Variants in PBX1 observed in about 807,000 individuals in gnomAD.
PBX1 encodes the protein PBX homeobox 1.
In PBX1, 6 loss-of-function variants were observed where a neutral mutation model predicts 53.4. The observed-to-expected ratio is 0.11, with a 90% CI of 0.06 to 0.22. The LOEUF (loss-of-function observed/expected upper bound fraction) is 0.22, where lower values mean the gene tolerates loss of function less well. Ranked by LOEUF, PBX1 falls within the 10% of genes least tolerant of loss-of-function variation. The probability of loss-of-function intolerance (pLI) is 1.00; values close to 1 mark genes in which losing one functional copy is unlikely to be tolerated. For synonymous variants in PBX1, 204 were observed against 212.3 expected, an observed-to-expected ratio of 0.96 and a Z score of 0.34; for missense variants, 251 against 551.4, an observed-to-expected ratio of 0.46 and a Z score of 5.46.
At chr1:164,700,699 T>G (rs919708198) in intron 2 of PBX1, 2 of 985,280 alleles carry the variant, frequency 2.0e-6, no homozygotes, top group Non-Finnish European at 1.2e-6. Context: ...GGGACCCAAC[T>G]CTCCTGGATG....
At position 164,846,737 on chromosome 1, in the gene PBX1, G is replaced by A; in HGVS notation, c.*61G>A. On this transcript the variant is annotated 3_prime_UTR_variant, in exon 9 of 9. Coordinates refer to ENST00000420696, the MANE Select transcript of PBX1 (RefSeq NM_002585.4). The stretch of plus-strand genomic sequence containing the variant: ...CCAGTTGGGGCAGGGGCAGGAGGGA[G>A]GGTTTCTCTCCCAACGCTGAAGCGG... 1 of 1,613,202 alleles carries A rather than the reference G, an allele frequency of 6.2e-7. No homozygotes were observed. Among genetic ancestry groups the A allele is most frequent in the East Asian group, 2.2e-5 (1 of 44,788 alleles).
chr1:164,655,796 A>C (rs1660131196), intron 2 of PBX1, among the ~76,000 whole-genome samples: 2 of 152,226 alleles, frequency 1.3e-5, no homozygotes, highest in South Asian at 4.1e-4. Context: ...AATCTCAGTG[A>C]ATAGGATTTT....
intron 2 of PBX1, among the ~76,000 whole-genome samples, chr1:164,772,695 C>T (rs542830157): frequency 1.3e-5 from 2 of 152,172 alleles, no homozygotes; most frequent in Admixed American, 6.5e-5. Context: ...TGCTGCCCCG[C>T]GTGCTTTTTC....
intron 2 of PBX1, among the ~76,000 whole-genome samples, chr1:164,602,603 G>A (rs1656249471): frequency 6.6e-6 from 1 of 151,096 alleles, no homozygotes; most frequent in Non-Finnish European, 1.5e-5. Flanking sequence ...TATCCTACAT[G>A]TACCTGCACC....
At chr1:164,634,562 T>G (rs1658620582) in intron 2 of PBX1, among the ~76,000 whole-genome samples, 1 of 152,172 alleles carries the variant, frequency 6.6e-6, no homozygotes, top group Non-Finnish European at 1.5e-5. Flanking sequence ...CCCACAATGC[T>G]CTTTGGGTTT....
At chr1:164,595,128 T>C (rs71628343) in intron 2 of PBX1, among the ~76,000 whole-genome samples, 1 of 152,236 alleles carries the variant, frequency 6.6e-6, no homozygotes, top group Non-Finnish European at 1.5e-5. Flanking sequence ...AGTTATATTG[T>C]ATTCTTTCTA....
intron 2 of PBX1, among the ~76,000 whole-genome samples, chr1:164,858,027 C>T (rs1005244785): frequency 6.6e-6 from 1 of 152,122 alleles, no homozygotes; most frequent in African/African-American, 2.4e-5. Flanking sequence ...TGTTTCCTAG[C>T]TCCATTATAA....
intron 2 of PBX1, among the ~76,000 whole-genome samples, chr1:164,873,033 A>T (rs998511874): frequency 3.3e-5 from 5 of 152,258 alleles, no homozygotes; most frequent in South Asian, 2.1e-4. Flanking sequence ...TCTACAAAGA[A>T]TGTGTTATAA....
intron 2 of PBX1, among the ~76,000 whole-genome samples, chr1:164,869,774 T>C (rs1316646010): frequency 6.6e-6 from 1 of 152,160 alleles, no homozygotes; most frequent in African/African-American, 2.4e-5. Flanking sequence ...GGGCATGTAA[T>C]TTTAGTCAGT....
chr1:164,663,296 G>A (rs968414037), intron 2 of PBX1, among the ~76,000 whole-genome samples: 1 of 148,864 alleles, frequency 6.7e-6, no homozygotes, highest in South Asian at 2.1e-4. Context: ...CTACCTGCCT[G>A]CCTTCCTGCC....
chr1:164,825,444 A>C (rs1054674796), intron 8 of PBX1, among the ~76,000 whole-genome samples: 4 of 152,222 alleles, frequency 2.6e-5, no homozygotes, highest in African/African-American at 9.6e-5. Flanking sequence ...TGAATGAATA[A>C]ATCAGGGAGG....
intron 4 of PBX1, among the ~76,000 whole-genome samples, chr1:164,803,578 GA>G (rs987655518): frequency 2.0e-5 from 3 of 152,260 alleles, no homozygotes; most frequent in African/African-American, 7.2e-5. Flanking sequence ...AGGGTGGTGT[GA>G]AAAGCCACAG....
chr1:164,878,764 A>T (rs1324929261), intron 2 of PBX1, among the ~76,000 whole-genome samples: 1 of 152,246 alleles, frequency 6.6e-6, no homozygotes, highest in East Asian at 1.9e-4. Context: ...TTATTGGAAC[A>T]CCAATTATGA....
chr1:164,780,698 A>C (rs773852625), intron 2 of PBX1, among the ~76,000 whole-genome samples: 1 of 152,152 alleles, frequency 6.6e-6, no homozygotes, highest in Non-Finnish European at 1.5e-5. Context: ...CCCCGAAGAC[A>C]TTAAGTCAGT....
Position 164,846,656 on chromosome 1 carries a change from C to T in PBX1, c.1273C>T (p.His425Tyr). Residue 425 changes from histidine to tyrosine, a missense_variant, in exon 9 of 9, where the codon CAC (histidine) becomes TAC (tyrosine). His to Tyr is a moderately conservative substitution (Grantham distance 83, BLOSUM62 2). Transcript: ENST00000420696. ...TSPTEGPGSV[H>Y]SDTSN ...CCCTACAGAAGGCCCTGGCAGTGTT[C>T]ACTCTGATACCTCCAACTGATCTCC... The T allele has an allele frequency of 6.2e-7, 1 of 1,614,100 alleles. No individual in the cohort carries two copies. Among genetic ancestry groups the T allele is most frequent in the Non-Finnish European group, 8.5e-7 (1 of 1,179,972 alleles).
chr1:164,689,827 C>G (rs562759793), intron 2 of PBX1, among the ~76,000 whole-genome samples: 14 of 152,190 alleles, frequency 9.2e-5, no homozygotes, highest in Admixed American at 3.3e-4. Context: ...TCTCTCTCCC[C>G]GTGCCCTGCT....
At chr1:164,820,331 A>G in intron 7 of PBX1, 147 bp downstream of exon 7, 1 of 583,230 alleles carries the variant, frequency 1.7e-6, no homozygotes, top group Non-Finnish European at 3.1e-6. Context: ...AAATCAAGAC[A>G]ACCATTGTCA....
chr1:164,881,531 A>C (rs1024011085), intron 2 of PBX1, among the ~76,000 whole-genome samples: 1 of 146,724 alleles, frequency 6.8e-6, no homozygotes, highest in Non-Finnish European at 1.5e-5. Flanking sequence ...TTGTAAGAGT[A>C]CTAAAGAAGA....
Position 164,811,986 on chromosome 1 carries a change from C to G in PBX1, c.838-4C>G, listed in dbSNP as rs372447378. 8.1e-6 allele frequency: 13 copies of G among 1,611,688 alleles called. No individual in the cohort carries two copies. The highest frequency in any genetic ancestry group is 1.3e-5 in the African/African-American group (1 of 74,892). ...CTTTCTCATCTTCTCTTAAACTACTCTAGGTATCAAACTGGTTTGGAAATA... is the reference window on the plus strand; with the variant it reads ...CTTTCTCATCTTCTCTTAAACTACTGTAGGTATCAAACTGGTTTGGAAATA... On this transcript the variant is annotated splice_region_variant and splice_polypyrimidine_tract_variant and intron_variant, in intron 5 of 8. Transcript: ENST00000420696.
Sources: allele counts gnomAD v4.1 joint callset (sites outside exome capture counted in the v4.1 genomes callset), GRCh38; gene constraint gnomAD v4.1.1; transcripts MANE v1.5; gene names NCBI Gene and HGNC (gene_info 2026-07-23, HGNC 2026-07-21).